RBFOX1: variants seen among roughly 807,000 people sequenced by gnomAD.
RBFOX1 encodes RNA binding fox-1 homolog 1.
A neutral mutation model predicts 57.7 loss-of-function variants in RBFOX1; 8 were observed. The observed-to-expected ratio is 0.14, with a 90% CI of 0.08 to 0.25. The LOEUF (loss-of-function observed/expected upper bound fraction) is 0.25. Among genes scored for constraint, RBFOX1 ranks in the 10% least tolerant of loss-of-function variants. RBFOX1 has a pLI of 1.00. For synonymous variants in RBFOX1, 326 were observed against 222.4 expected (o/e 1.47, Z -4.15); for missense variants, 611 against 548.5 (o/e 1.11, Z -1.14).
intron 3 of RBFOX1, among the ~76,000 whole-genome samples, chr16:6,701,640 G>C (rs989352318): frequency 6.6e-6 from 1 of 152,042 alleles, no homozygotes; most frequent in Non-Finnish European, 1.5e-5. Flanking sequence ...ACATAAAGGC[G>C]TACGTACACC....
chr16:6,483,355 C>A, intron 2 of RBFOX1: 1 of 1,494,042 alleles, frequency 6.7e-7, no homozygotes, highest in Non-Finnish European at 8.9e-7. Flanking sequence ...CCAGGCAGCC[C>A]GGGCGAGCGA....
chr16:6,818,782 A>G (rs1320545687), intron 3 of RBFOX1, among the ~76,000 whole-genome samples: 5 of 152,148 alleles, frequency 3.3e-5, no homozygotes, highest in African/African-American at 1.2e-4. Flanking sequence ...AGGCCTGGCC[A>G]CTGATGCCAT....
At chr16:5,816,247 C>G (rs1183668984) in intron 3 of RBFOX1, among the ~76,000 whole-genome samples, 1 of 152,180 alleles carries the variant, frequency 6.6e-6, no homozygotes, top group Non-Finnish European at 1.5e-5. Flanking sequence ...ATACCTTCTC[C>G]CCTTGGCTAC....
At chr16:5,383,783 C>A (rs1435357705) in intron 1 of RBFOX1, among the ~76,000 whole-genome samples, 1 of 152,174 alleles carries the variant, frequency 6.6e-6, no homozygotes, top group Non-Finnish European at 1.5e-5. Flanking sequence ...CTAGTCTGGG[C>A]TCCTGGGGCT....
At chr16:6,793,698 C>T (rs1425084017) in intron 3 of RBFOX1, among the ~76,000 whole-genome samples, 3 of 152,070 alleles carry the variant, frequency 2.0e-5, no homozygotes, top group African/African-American at 7.2e-5. Flanking sequence ...GTGCATTGGC[C>T]ATCTTTTCAC....
intron 2 of RBFOX1, among the ~76,000 whole-genome samples, chr16:6,525,155 C>G (rs895082525): frequency 6.6e-6 from 1 of 152,096 alleles, no homozygotes; most frequent in Non-Finnish European, 1.5e-5. Context: ...GAATTGCTTG[C>G]AAACATCCTG....
chr16:6,734,149 G>A lies in RBFOX1; in HGVS notation c.-16+79499G>A, dbSNP rs78075376. 6.1e-3 allele frequency among the ~76,000 whole-genome samples: 928 copies of A among 152,250 alleles called. 12 individuals carry two copies. Among genetic ancestry groups the A allele is most frequent in the African/African-American group, 0.021 (867 of 41,552 alleles). The stretch of plus-strand genomic sequence containing the variant: ...GCCAGAATTATACAGGGTTCAACAG[G>A]TTTATTTGACGTTTTTTGTGCTTTT... On this transcript the variant is annotated intron_variant, in intron 3 of 15. Coordinates refer to ENST00000550418, the MANE Select transcript of RBFOX1 (RefSeq NM_018723.4).
At chr16:6,636,166 G>C (rs966715101) in intron 2 of RBFOX1, among the ~76,000 whole-genome samples, 1 of 152,068 alleles carries the variant, frequency 6.6e-6, no homozygotes, top group Non-Finnish European at 1.5e-5. Context: ...GGGGGCACTT[G>C]GATTTGGGAT....
intron 4 of RBFOX1, among the ~76,000 whole-genome samples, chr16:7,263,934 AAAC>A (rs1217131751): frequency 6.6e-6 from 1 of 151,224 alleles, no homozygotes; most frequent in Non-Finnish European, 1.5e-5. Flanking sequence ...AAAAAAAAAA[AAAC>A]AAGTAGAAGG....
chr16:7,126,859 A>G (rs947124021), intron 4 of RBFOX1, among the ~76,000 whole-genome samples: 2 of 151,914 alleles, frequency 1.3e-5, no homozygotes. Context: ...ATACAAAAAA[A>G]TGAGCTGGAT....
rs151318090 is a variant in RBFOX1, at chr16:6,380,547, A to G, written c.-64+63490A>G. 8.4e-3 allele frequency among the ~76,000 whole-genome samples: 1,278 copies of G among 151,396 alleles called. 20 individuals carry two copies. The highest frequency in any genetic ancestry group is 0.027 in the African/African-American group (1,130 of 41,216). On this transcript the variant is annotated intron_variant, in intron 2 of 15. Coordinates refer to ENST00000550418, the MANE Select transcript of RBFOX1 (RefSeq NM_018723.4). ...GAAGGTGAGTTGAAGTTCTGGGGGG[A>G]AAATAAATGGCAGGTAAAGTTATGG...
chr16:6,565,833 T>C (rs1415018830), intron 2 of RBFOX1, among the ~76,000 whole-genome samples: 2 of 152,236 alleles, frequency 1.3e-5, no homozygotes, highest in African/African-American at 4.8e-5. Context: ...GATTAGCAGC[T>C]ATGTGAGGCT....
At chr16:7,323,511 C>T (rs1385476874) in intron 4 of RBFOX1, among the ~76,000 whole-genome samples, 1 of 152,178 alleles carries the variant, frequency 6.6e-6, no homozygotes, top group East Asian at 1.9e-4. Context: ...AAAAGAAAGC[C>T]TTCTTATAGT....
intron 3 of RBFOX1, among the ~76,000 whole-genome samples, chr16:6,952,508 C>G (rs1415298487): frequency 6.6e-6 from 1 of 151,776 alleles, no homozygotes; most frequent in Admixed American, 6.6e-5. Context: ...TGTGGTCATG[C>G]ACACCTGTAG....
chr16:6,906,796 C>G (rs2070098449), intron 3 of RBFOX1, among the ~76,000 whole-genome samples: 1 of 150,136 alleles, frequency 6.7e-6, no homozygotes, highest in African/African-American at 2.5e-5. Flanking sequence ...AATTTCAGCT[C>G]ACTGCAACCT....
At chr16:5,854,469 A>G (rs1231126899) in intron 3 of RBFOX1, among the ~76,000 whole-genome samples, 1 of 152,160 alleles carries the variant, frequency 6.6e-6, no homozygotes, top group Non-Finnish European at 1.5e-5. Context: ...CACTTAGCAT[A>G]ATGTCCTCCA....
At chr16:6,830,756 T>G (rs2092649256) in intron 3 of RBFOX1, among the ~76,000 whole-genome samples, 1 of 152,152 alleles carries the variant, frequency 6.6e-6, no homozygotes. Flanking sequence ...TTCTGGTAAT[T>G]TTAGGAGGAT....
rs551032896 is a variant in RBFOX1 at position 5,623,761 on chromosome 16, C to A, written c.318+24800C>A. Among the ~76,000 whole-genome samples the A allele has an allele frequency of 2.6e-5, 4 of 152,218 alleles. No homozygotes were observed. In the South Asian group the frequency reaches 8.3e-4, roughly 32 times the overall value. ...CTCTCCTGCTCTTTTTCTCCCCCAT[C>A]TCTCCCTCTCAATCTGGTTGAGAGT... is the stretch of plus-strand genomic sequence containing the variant. On this transcript the variant is annotated intron_variant, in intron 3 of 19. Transcript: ENST00000641259.
chr16:5,684,202 C>T (rs1596741923), intron 3 of RBFOX1, among the ~76,000 whole-genome samples: 1 of 152,116 alleles, frequency 6.6e-6, no homozygotes, highest in Non-Finnish European at 1.5e-5. Context: ...GAGGATGGCG[C>T]CCTCTTCGAG....
Sources: allele counts gnomAD v4.1 joint callset (sites outside exome capture counted in the v4.1 genomes callset), GRCh38; gene constraint gnomAD v4.1.1; transcripts MANE v1.5; gene names NCBI Gene and HGNC (gene_info 2026-07-23, HGNC 2026-07-21).